Variants in MOG observed in about 807,000 individuals in gnomAD.
The protein encoded by MOG is myelin oligodendrocyte glycoprotein.
In MOG, 20 loss-of-function variants were observed where a neutral mutation model predicts 35.9. That is an observed-to-expected ratio of 0.56 (90% CI 0.39 to 0.81). The LOEUF is 0.81. Among genes scored for constraint, MOG ranks in the 30% least tolerant of loss-of-function variants. The probability of loss-of-function intolerance (pLI) is 0.00; values close to 1 mark genes in which losing one functional copy is unlikely to be tolerated. For missense variants in MOG, 251 were observed against 301.0 expected (o/e 0.83, Z 1.23); for synonymous variants, 92 against 114.3 (o/e 0.80, Z 1.25).
Position 29,671,457 on chromosome 6 carries a change from G to A in MOG, c.*272G>A. 2 of 1,577,464 alleles carry A rather than the reference G, an allele frequency of 1.3e-6. No homozygotes were observed. Among genetic ancestry groups the A allele is most frequent in the Non-Finnish European group, 1.7e-6 (2 of 1,147,934 alleles). Reference sequence around the variant, plus strand: ...GGAAGCCCTCTCTGGCTAAGGACAGGCAGGTGCCCCTCTCTCCATCAGAGG... The same window carrying A: ...GGAAGCCCTCTCTGGCTAAGGACAGACAGGTGCCCCTCTCTCCATCAGAGG... On this transcript the variant is annotated 3_prime_UTR_variant, in exon 8 of 8. Coordinates refer to ENST00000376917, the MANE Select transcript of MOG (RefSeq NM_206809.4).
intron 2 of MOG, chr6:29,664,863 G>C (rs887813218): frequency 3.6e-6 from 1 of 280,084 alleles, no homozygotes; most frequent in Admixed American, 5.1e-5. Context: ...TTCCTGCCTT[G>C]GCCTCCCAAA....
chr6:29,664,049 G>A, intron 2 of MOG: 1 of 256,682 alleles, frequency 3.9e-6, no homozygotes, highest in Non-Finnish European at 6.1e-6. Context: ...GCTTTTGGAT[G>A]CTGAGGAGCA....
At position 29,659,425 on chromosome 6, in the gene MOG, G is replaced by T. The variant is rs1280144309; in HGVS notation, c.195G>T (p.Glu65Asp). 6.2e-7 allele frequency: 1 copy of T among 1,612,944 alleles called. No individual in the cohort carries two copies. Among genetic ancestry groups the T allele is most frequent in the Non-Finnish European group, 8.5e-7 (1 of 1,180,040 alleles). ...ISPGKNATGM[E>D]VGWYRPPFSR... ...CTGGGAAGAACGCTACAGGCATGGAGGTGGGGTGGTACCGCCCCCCCTTCT... is the reference window on the plus strand; with the variant it reads ...CTGGGAAGAACGCTACAGGCATGGATGTGGGGTGGTACCGCCCCCCCTTCT... Residue 65 changes from glutamate to aspartate, a missense_variant, in exon 2 of 8, where the codon GAG becomes GAT. Physicochemically the swap from Glu to Asp is conservative, Grantham distance 45. Coordinates refer to ENST00000376917, the MANE Select transcript of MOG (RefSeq NM_206809.4).
rs756217285 is a variant in MOG at position 29,659,621 on chromosome 6, G to A, written c.391G>A (p.Asp131Asn). Residue 131 changes from aspartate (D) to asparagine (N), a missense_variant, in exon 2 of 8, where the codon GAT (aspartate) becomes AAT (asparagine). Physicochemically the swap from Asp to Asn is conservative, Grantham distance 23 (BLOSUM62 1). Transcript: ENST00000376917. ...DEGGFTCFFR[D>N]HSYQEEAAME... is the part of the protein sequence containing the mutation. ...AGGAGGTTTCACCTGCTTCTTCCGA[G>A]ATCATTCTTACCAAGAGGAGGCAGC... is the stretch of plus-strand genomic sequence containing the variant. 1.9e-6 allele frequency: 3 copies of A among 1,613,124 alleles called. No homozygotes were observed. Among genetic ancestry groups the A allele is most frequent in the Admixed American group, 1.7e-5 (1 of 60,008 alleles).
At chr6:29,659,060 C>T (rs9461542) in intron 1 of MOG, among the ~76,000 whole-genome samples, 2,830 of 152,056 alleles carry the variant, frequency 0.019, 43 homozygotes, top group Admixed American at 0.034. Context: ...TGCAGGGAGG[C>T]GGAGGTTGCA....
chr6:29,665,848 C>T (rs1378382463), intron 2 of MOG, among the ~76,000 whole-genome samples: 1 of 152,056 alleles, frequency 6.6e-6, no homozygotes, highest in Non-Finnish European at 1.5e-5. Context: ...ACTTTGTCGT[C>T]AATAAAAAGT....
rs1321734927 is a variant in MOG, at chr6:29,671,959, A to C, written c.*774A>C. The stretch of plus-strand genomic sequence containing the variant: ...ATTCAACAACTACTACTTGATGGTC[A>C]GACACAAACAAACAAGCTAGGTGCT... On this transcript the variant is annotated 3_prime_UTR_variant, in exon 8 of 8. Coordinates refer to ENST00000376917, the MANE Select transcript of MOG (RefSeq NM_206809.4). 1 of 161,818 alleles carries C rather than the reference A, an allele frequency of 6.2e-6. No homozygotes were observed. Among genetic ancestry groups the C allele is most frequent in the Admixed American group, 5.8e-5 (1 of 17,292 alleles). The allele number at this position is 161,818 out of a possible 1,614,324, so 10.0% of individuals were successfully genotyped here. A position where few individuals can be genotyped will look rare whatever the true frequency, so the allele number is the denominator to read the frequency against.
At position 29,657,198 on chromosome 6, in the gene MOG, G is replaced by C. The variant is rs1169702883; in HGVS notation, c.-12G>C. ...TTGCTGCGGGGGCTCTCTGTCCCCA[G>C]GAACAGTAGAGATGGCAAGCTTATC... is the stretch of plus-strand genomic sequence containing the variant. On this transcript the variant is annotated 5_prime_UTR_variant, in exon 1 of 8. Coordinates refer to ENST00000376917, the MANE Select transcript of MOG (RefSeq NM_206809.4). 1 of 1,601,046 alleles carries C rather than the reference G, an allele frequency of 6.2e-7. No homozygotes were observed. Among genetic ancestry groups the C allele is most frequent in the East Asian group, 2.2e-5 (1 of 44,796 alleles).
In MOG at chr6:29,657,191, G is replaced by T. The variant is rs778828739; in HGVS notation, c.-19G>T. 1.9e-6 allele frequency: 3 copies of T among 1,585,560 alleles called. No individual in the cohort carries two copies. The highest frequency in any genetic ancestry group is 3.3e-5 in the Admixed American group (2 of 59,906). On this transcript the variant is annotated 5_prime_UTR_variant, in exon 1 of 8. Transcript: ENST00000376917. ...CCTGACCTTGCTGCGGGGGCTCTCT[G>T]TCCCCAGGAACAGTAGAGATGGCAA...
At chr6:29,658,814 C>G (rs1253408333) in intron 1 of MOG, among the ~76,000 whole-genome samples, 1 of 152,158 alleles carries the variant, frequency 6.6e-6, no homozygotes, top group Non-Finnish European at 1.5e-5. Flanking sequence ...CGTTGTTGTT[C>G]TCAAGAAGGA....
intron 2 of MOG, chr6:29,661,532 G>A: frequency 1.0e-6 from 1 of 985,094 alleles, no homozygotes; most frequent in Non-Finnish European, 1.2e-6. Flanking sequence ...ACCAAAAAAG[G>A]AAGACAAGCC....
intron 2 of MOG, among the ~76,000 whole-genome samples, chr6:29,660,160 C>A (rs182900855): frequency 6.9e-6 from 1 of 144,100 alleles, no homozygotes; most frequent in South Asian, 2.2e-4. Flanking sequence ...CACTCCAACC[C>A]GGGTGACAGA....
At chr6:29,661,107 G>A (rs192149789) in intron 2 of MOG, among the ~76,000 whole-genome samples, 5 of 152,322 alleles carry the variant, frequency 3.3e-5, no homozygotes, top group East Asian at 1.9e-4. Flanking sequence ...AGGTGAAGCC[G>A]ATGGAGGGGG....
chr6:29,669,210 C>T (rs150509499), intron 5 of MOG, among the ~76,000 whole-genome samples: 71 of 151,804 alleles, frequency 4.7e-4, no homozygotes, highest in African/African-American at 1.5e-3. Context: ...CATGAGCCAC[C>T]GTGCCCGGCC....
At position 29,667,640 on chromosome 6, in the gene MOG, T is replaced by C; in HGVS notation, c.551-3T>C. The C allele has an allele frequency of 1.9e-6, 3 of 1,614,142 alleles. No homozygotes were observed. The highest frequency in any genetic ancestry group is 2.5e-6 in the Non-Finnish European group (3 of 1,180,032). On this transcript the variant is annotated splice_region_variant and splice_polypyrimidine_tract_variant and intron_variant, in intron 3 of 7. Coordinates refer to ENST00000376917, the MANE Select transcript of MOG (RefSeq NM_206809.4). Reference sequence around the variant, plus strand: ...ACTAAAATGTTGCCTTTTTCTATTTTAGGAAAACTTCGAGCAGAGATAGGT... The same window carrying C: ...ACTAAAATGTTGCCTTTTTCTATTTCAGGAAAACTTCGAGCAGAGATAGGT...
At chr6:29,664,001 G>A in intron 2 of MOG, 1 of 606,074 alleles carries the variant, frequency 1.6e-6, no homozygotes, top group Non-Finnish European at 2.1e-6. Context: ...GATGAAAAGG[G>A]CTTCAGCTGC....
chr6:29,672,140 T>G lies in MOG; in HGVS notation c.*955T>G, dbSNP rs1771604683. 1.3e-5 allele frequency: 2 copies of G among 153,306 alleles called. No individual in the cohort carries two copies. Among genetic ancestry groups the G allele is most frequent in the African/African-American group, 4.9e-5 (2 of 41,234 alleles). 9.5% of individuals were successfully genotyped at this position (153,306 alleles called of 1,614,324 possible). Reference sequence around the variant, plus strand: ...CATCTCTACTAAAAATACAAACAATTAACTGAGCATAGTGGTGGGCACCTA... The same window carrying G: ...CATCTCTACTAAAAATACAAACAATGAACTGAGCATAGTGGTGGGCACCTA... On this transcript the variant is annotated 3_prime_UTR_variant, in exon 8 of 8. Coordinates refer to ENST00000376917, the MANE Select transcript of MOG (RefSeq NM_206809.4).
At chr6:29,658,827 C>T (rs1767778958) in intron 1 of MOG, among the ~76,000 whole-genome samples, 1 of 152,158 alleles carries the variant, frequency 6.6e-6, no homozygotes, top group South Asian at 2.1e-4. Flanking sequence ...AAGAAGGAAA[C>T]TTGAGGCCGG....
rs371621148 is a variant in MOG, at chr6:29,662,960, G to A, written c.437-3192G>A. 4.5e-4 allele frequency among the ~76,000 whole-genome samples: 69 copies of A among 152,076 alleles called. No homozygotes were observed. In the South Asian group the frequency reaches 7.3e-3, roughly 16 times the overall value. On this transcript the variant is annotated intron_variant, in intron 2 of 7. Transcript: ENST00000376917. This position sits in a 1 kb window ranked among gnomAD's most constrained non-coding sequence, Gnocchi z 4.2. The stretch of plus-strand genomic sequence containing the variant: ...TTACAGGCGCGAGCCACTGCACCCA[G>A]CGAAGAACACTTTTTAAAAAATAAA...
Sources: gnomAD v4.1 joint callset for allele counts (sites outside exome capture counted in the v4.1 genomes callset) on GRCh38, gnomAD v4.1.1 for gene constraint, Gnocchi (gnomAD v3.1) non-coding constraint, MANE v1.5 for transcripts, NCBI Gene and HGNC (gene_info 2026-07-23, HGNC 2026-07-21) for gene names.